RAP1GAP: variants seen among roughly 807,000 people sequenced by gnomAD.
The protein encoded by RAP1GAP is RAP1 GTPase activating protein.
RAP1GAP carries 35 observed loss-of-function variants against 87.2 expected under a neutral mutation model. That is an observed-to-expected ratio of 0.40 (90% confidence interval 0.31 to 0.53). RAP1GAP has a LOEUF of 0.53. Ranked by LOEUF, RAP1GAP falls within the 20% of genes least tolerant of loss-of-function variation. The probability of loss-of-function intolerance (pLI) is 0.48; values close to 1 mark genes in which losing one functional copy is unlikely to be tolerated. For synonymous variants in RAP1GAP, 375 were observed against 363.9 expected, an observed-to-expected ratio of 1.03 and a Z score of -0.35; for missense variants, 734 against 898.9, an observed-to-expected ratio of 0.82 and a Z score of 2.35.
intron 7 of RAP1GAP, among the ~76,000 whole-genome samples, chr1:21,614,685 A>T (rs905516393): frequency 6.6e-6 from 1 of 152,078 alleles, no homozygotes; most frequent in African/African-American, 2.4e-5. Flanking sequence ...CACCCTGGGG[A>T]GTATCAGGGG....
chr1:21,640,983 T>C (rs2095467692), intron 2 of RAP1GAP, among the ~76,000 whole-genome samples: 1 of 151,460 alleles, frequency 6.6e-6, no homozygotes. Context: ...TCTCGGCTCA[T>C]GGTAATCTCC....
rs2079931516 is a variant in RAP1GAP, at chr1:21,613,642, C to G, written c.460G>C (p.Val154Leu). The G allele has an allele frequency of 6.2e-7, 1 of 1,613,280 alleles. No homozygotes were observed. The highest frequency in any genetic ancestry group is 1.1e-5 in the South Asian group (1 of 91,070). ...ISCLTEFPNV[V>L]QMAKLVCEDV... ...GGAGACCTCACCTTTGCCATCTGGA[C>G]AACATTAGGGAACTCGGTGAGGCAG... Residue 154 changes from valine (V) to leucine (L), a missense_variant, in exon 9 of 25, where the codon GTC (valine) becomes CTC (leucine). Around this residue, in one of 2 missense-constraint regions of RAP1GAP, gnomAD observed 485 missense variants for 646.2 expected, o/e 0.75. Coordinates refer to ENST00000374765, the MANE Select transcript of RAP1GAP (RefSeq NM_002885.4). This position sits in a 1 kb window ranked among gnomAD's most constrained non-coding sequence, Gnocchi z 4.7.
intron 22 of RAP1GAP, 98 bp from the exon 23 acceptor site, chr1:21,598,162 CCCA>C: frequency 1.2e-6 from 1 of 839,292 alleles, no homozygotes; most frequent in South Asian, 1.8e-5. Context: ...GCGCTCCAAC[CCCA>C]CCCTTAACTT....
intron 2 of RAP1GAP, among the ~76,000 whole-genome samples, chr1:21,642,663 T>TG (rs1351981101): frequency 2.0e-5 from 3 of 152,100 alleles, no homozygotes; most frequent in Non-Finnish European, 2.9e-5. Flanking sequence ...CCATGGTGGC[T>TG]GGGGGGTTCA....
Position 21,615,228 on chromosome 1 carries a change from C to T in RAP1GAP, c.292-1139G>A, listed in dbSNP as rs1257677452. ...CGGGCTCAGGGTCCCAGGAAGTCAACGCCCAAAGTCATCCTAACCTCCCCT... is the reference window on the plus strand; with the variant it reads ...CGGGCTCAGGGTCCCAGGAAGTCAATGCCCAAAGTCATCCTAACCTCCCCT... On this transcript the variant is annotated intron_variant, in intron 7 of 24. Transcript: ENST00000374765. This position sits in a 1 kb window ranked among gnomAD's most constrained non-coding sequence, Gnocchi z 4.5. 2.6e-5 allele frequency among the ~76,000 whole-genome samples: 4 copies of T among 152,190 alleles called. No individual in the cohort carries two copies. The highest frequency in any genetic ancestry group is 1.3e-4 in the Admixed American group (2 of 15,284).
Position 21,613,775 on chromosome 1 carries a change from C to T in RAP1GAP, c.396-69G>A, listed in dbSNP as rs2080043550. On this transcript the variant is annotated intron_variant, in intron 8 of 24. Coordinates refer to ENST00000374765, the MANE Select transcript of RAP1GAP (RefSeq NM_002885.4). The surrounding 1 kb of genome is among the most constrained non-coding windows in gnomAD (Gnocchi z 4.7). ...AGGAAAATGGGAACCCCACCCCCCA[C>T]AAAGTAAGGCCAGAAGGGGGTGGAC... 1 of 1,454,948 alleles carries T rather than the reference C, an allele frequency of 6.9e-7. No individual in the cohort carries two copies. The highest frequency in any genetic ancestry group is 9.6e-7 in the Non-Finnish European group (1 of 1,039,084). The allele number at this position is 1,454,948 out of a possible 1,614,324, so 90.1% of individuals were successfully genotyped here.
chr1:21,599,722 G>T, intron 20 of RAP1GAP, 105 bp from the exon 21 acceptor site: 1 of 1,470,124 alleles, frequency 6.8e-7, no homozygotes, highest in Non-Finnish European at 9.1e-7. Context: ...GCTGGTAGCA[G>T]CCAAGCACCT....
intron 13 of RAP1GAP, 102 bp downstream of exon 13, chr1:21,611,350 T>A: frequency 1.4e-6 from 2 of 1,440,824 alleles, no homozygotes; most frequent in East Asian, 2.5e-5. Flanking sequence ...TCCATCTCCA[T>A]CCCAGGGCCC....
At chr1:21,597,879 G>T in intron 23 of RAP1GAP, 82 bp downstream of exon 23, 2 of 1,498,970 alleles carry the variant, frequency 1.3e-6, no homozygotes, top group East Asian at 4.6e-5. Context: ...TCTTGGTCGA[G>T]CCTCAGCTCC....
At chr1:21,631,359 T>C (rs541453590) in intron 2 of RAP1GAP, among the ~76,000 whole-genome samples, 4 of 152,298 alleles carry the variant, frequency 2.6e-5, no homozygotes, top group East Asian at 1.9e-4. Context: ...TACACTGGCA[T>C]TGTCTCATTC....
At chr1:21,660,352 T>TATATA (rs1248298305) in intron 1 of RAP1GAP, among the ~76,000 whole-genome samples, 6 of 85,884 alleles carry the variant, frequency 7.0e-5, no homozygotes, top group Non-Finnish European at 1.6e-4. Context: ...TATATATTTA[T>TATATA]TGAGACAGTC....
intron 1 of RAP1GAP, chr1:21,665,190 CAGAGGGAGAG>C (rs763132190): frequency 2.0e-6 from 1 of 497,774 alleles, no homozygotes; most frequent in South Asian, 1.5e-5. Context: ...GAAACAGACT[CAGAGGGAGAG>C]AGGAACTCAC....
intron 2 of RAP1GAP, among the ~76,000 whole-genome samples, chr1:21,648,686 C>T (rs1250002010): frequency 2.6e-5 from 4 of 152,174 alleles, no homozygotes; most frequent in Non-Finnish European, 4.4e-5. Flanking sequence ...CTTTTATCCC[C>T]CCTCAGTCTA....
chr1:21,599,210 CA>C (rs1279742857), intron 21 of RAP1GAP, among the ~76,000 whole-genome samples: 1 of 152,176 alleles, frequency 6.6e-6, no homozygotes, highest in Non-Finnish European at 1.5e-5. Flanking sequence ...TGGGGGACTG[CA>C]ACGGAGTACA....
intron 2 of RAP1GAP, among the ~76,000 whole-genome samples, chr1:21,642,060 C>T (rs2095573732): frequency 1.3e-5 from 2 of 152,252 alleles, no homozygotes. Flanking sequence ...TGAGCCAAGG[C>T]TCAGCAAGGT....
chr1:21,610,271 T>C lies in RAP1GAP; in HGVS notation c.848A>G (p.Gln283Arg), dbSNP rs1200703542. 7.4e-6 allele frequency: 12 copies of C among 1,614,002 alleles called. No individual in the cohort carries two copies. Among genetic ancestry groups the C allele is most frequent in the Non-Finnish European group, 9.3e-6 (11 of 1,179,990 alleles). Residue 283 changes from glutamine (Q) to arginine (R), a missense_variant, in exon 14 of 25, where the codon CAG becomes CGG. Physicochemically the swap from Gln to Arg is conservative, Grantham distance 43 (BLOSUM62 1). Transcript: ENST00000374765. ...PYTEGDAQQL[Q>R]RKRHIGNDIV... is the part of the protein sequence containing the mutation. ...GTCGTTCCCGATGTGCCGCTTCCGC[T>C]GCAACTGAGCACAAAGCCACGGGCC...
At chr1:21,664,373 T>G (rs558890779) in intron 1 of RAP1GAP, among the ~76,000 whole-genome samples, 84 of 152,280 alleles carry the variant, frequency 5.5e-4, no homozygotes, top group Non-Finnish European at 7.4e-5. Context: ...GCCCCTCCCG[T>G]GTATCCTGCA....
chr1:21,657,977 C>A (rs899019933), intron 1 of RAP1GAP, among the ~76,000 whole-genome samples: 1 of 152,126 alleles, frequency 6.6e-6, no homozygotes, highest in East Asian at 1.9e-4. Flanking sequence ...CCCCAGAGGG[C>A]GCCAGGGTGG....
Position 21,603,179 on chromosome 1 carries a change from T to C in RAP1GAP, c.1429-266A>G. 1 of 468,612 alleles carries C rather than the reference T, an allele frequency of 2.1e-6. No individual in the cohort carries two copies. The highest frequency in any genetic ancestry group is 3.8e-6 in the Non-Finnish European group (1 of 261,856). The allele number at this position is 468,612 out of a possible 1,614,324, so 29.0% of individuals were successfully genotyped here. The stretch of plus-strand genomic sequence containing the variant: ...GATTAGGACAGCATCCTGAGGGGGC[T>C]AGGGTGGGAGGAGGCCGAGTCCTCA... On this transcript the variant is annotated intron_variant, in intron 18 of 24. Transcript: ENST00000374765. This position sits in a 1 kb window ranked among gnomAD's most constrained non-coding sequence, Gnocchi z 6.0.
Sources: allele counts gnomAD v4.1 joint callset (sites outside exome capture counted in the v4.1 genomes callset), GRCh38; gene constraint gnomAD v4.1.1; regional missense constraint gnomAD v4.1.1; non-coding constraint Gnocchi (gnomAD v3.1); transcripts MANE v1.5; gene names NCBI Gene and HGNC (gene_info 2026-07-23, HGNC 2026-07-21).